The following GPC3 variants were observed in gnomAD, a reference collection of about 807,000 sequenced individuals.
GPC3 encodes glypican 3.
A neutral mutation model predicts 34.4 loss-of-function variants in GPC3; 3 were observed. The observed-to-expected ratio is 0.09, with a 90% CI of 0.04 to 0.23. The LOEUF (loss-of-function observed/expected upper bound fraction) is 0.23, where lower values mean the gene tolerates loss of function less well. GPC3 is among the 10% of genes least tolerant of loss of function. The probability of loss-of-function intolerance (pLI) is 1.00; values close to 1 mark genes in which losing one functional copy is unlikely to be tolerated. For missense variants in GPC3, 351 were observed against 445.6 expected (o/e 0.79, Z 1.91); for synonymous variants, 177 against 174.0 (o/e 1.02, Z -0.13).
At chrX:133,585,834 A>C (rs1261636247) in intron 7 of GPC3, among the ~76,000 whole-genome samples, 2 of 112,492 alleles carry the variant, frequency 1.8e-5, no homozygotes, top group Non-Finnish European at 3.7e-5. Context: ...GCTTCTGTCC[A>C]GAGAAAATCA....
At chrX:133,689,085 A>T (rs980804652) in intron 5 of GPC3, among the ~76,000 whole-genome samples, 2 of 110,936 alleles carry the variant, frequency 1.8e-5, no homozygotes, top group African/African-American at 6.5e-5. Flanking sequence ...CTCTGAAAAT[A>T]TGTTTATTTT....
intron 2 of GPC3, among the ~76,000 whole-genome samples, chrX:133,878,864 T>A (rs942177945): frequency 4.5e-5 from 5 of 111,774 alleles, no homozygotes; most frequent in African/African-American, 1.6e-4. Context: ...GTATAATAAA[T>A]GAGGACGCAG....
At chrX:133,797,727 G>A (rs1460915002) in intron 2 of GPC3, among the ~76,000 whole-genome samples, 1 of 110,591 alleles carries the variant, frequency 9.0e-6, no homozygotes, top group African/African-American at 3.3e-5. Flanking sequence ...CTGCTTGGGA[G>A]GCTGAGGCAG....
At chrX:133,710,818 T>G (rs774218395) in intron 3 of GPC3, among the ~76,000 whole-genome samples, 1 of 112,295 alleles carries the variant, frequency 8.9e-6, no homozygotes, top group Non-Finnish European at 1.9e-5. Context: ...AATTTATATC[T>G]GCCACAAACA....
intron 3 of GPC3, among the ~76,000 whole-genome samples, chrX:133,724,426 C>A (rs773934988): frequency 1.8e-5 from 2 of 112,239 alleles, no homozygotes; most frequent in Non-Finnish European, 3.8e-5. Context: ...TTATAAGAAT[C>A]TCCAGTTGGA....
At chrX:133,565,892 T>C (rs2069577487) in intron 7 of GPC3, among the ~76,000 whole-genome samples, 2 of 112,462 alleles carry the variant, frequency 1.8e-5, no homozygotes, top group African/African-American at 3.2e-5. Context: ...GCTCTACCAC[T>C]TGCCAGCAGT....
At chrX:133,599,411 A>T (rs1392402769) in intron 6 of GPC3, among the ~76,000 whole-genome samples, 1 of 112,205 alleles carries the variant, frequency 8.9e-6, no homozygotes, top group East Asian at 2.8e-4. Flanking sequence ...GGCTTAATTC[A>T]TCCTGTGGTG....
intron 6 of GPC3, among the ~76,000 whole-genome samples, chrX:133,655,005 A>G (rs772158176): frequency 5.4e-5 from 6 of 111,766 alleles, no homozygotes; most frequent in Admixed American, 2.9e-4. Flanking sequence ...ACTAATACCA[A>G]CAACATTTTG....
chrX:133,590,965 A>T (rs1417793006), intron 7 of GPC3, among the ~76,000 whole-genome samples: 2 of 111,741 alleles, frequency 1.8e-5, no homozygotes, highest in Non-Finnish European at 3.8e-5. Context: ...ACAAATGGAG[A>T]AACTGACTTT....
chrX:133,910,321 T>A (rs1055058448), intron 2 of GPC3, among the ~76,000 whole-genome samples: 1 of 111,237 alleles, frequency 9.0e-6, no homozygotes, highest in Non-Finnish European at 1.9e-5. Context: ...CACCCCCATA[T>A]CAAAACAGTC....
chrX:133,903,648 G>A (rs2076155674), intron 2 of GPC3, among the ~76,000 whole-genome samples: 1 of 112,150 alleles, frequency 8.9e-6, no homozygotes, highest in Non-Finnish European at 1.9e-5. Context: ...ACATTTTTAT[G>A]TACATCTCTT....
chrX:133,754,210 G>A (rs1014474853), intron 2 of GPC3, 34 bp from the exon 3 acceptor site: 4 of 995,799 alleles, frequency 4.0e-6, no homozygotes, highest in African/African-American at 3.9e-5. Flanking sequence ...ACACAAAAAT[G>A]TGTACAAATT....
At chrX:133,951,147 T>C (rs1428691061) in intron 2 of GPC3, among the ~76,000 whole-genome samples, 1 of 106,804 alleles carries the variant, frequency 9.4e-6, no homozygotes, top group African/African-American at 3.4e-5. Flanking sequence ...TAGTAGATGC[T>C]GCCCCCATTT....
At chrX:133,769,507 A>G (rs2071890553) in intron 2 of GPC3, among the ~76,000 whole-genome samples, 1 of 112,266 alleles carries the variant, frequency 8.9e-6, no homozygotes, top group Non-Finnish European at 1.9e-5. Flanking sequence ...CTCCAAATTC[A>G]TCAAATTGCA....
In GPC3 at chrX:133,632,316, T is replaced by C. The variant is rs182155058; in HGVS notation, c.1413+29414A>G. Among the ~76,000 whole-genome samples, 195 of 110,675 alleles carry C rather than the reference T, an allele frequency of 1.8e-3. 1 individual carries two copies. Among genetic ancestry groups the C allele is most frequent in the African/African-American group, 6.1e-3 (187 of 30,465 alleles). ...GGTTTCGCCATGTTGGCCAGGTTGGTCTCAAACTCCTGACCTAATGTGATC... is the reference window on the plus strand; with the variant it reads ...GGTTTCGCCATGTTGGCCAGGTTGGCCTCAAACTCCTGACCTAATGTGATC... On this transcript the variant is annotated intron_variant, in intron 6 of 7. Coordinates refer to ENST00000370818, the MANE Select transcript of GPC3 (RefSeq NM_004484.4).
chrX:133,965,099 A>T (rs2076457551), intron 1 of GPC3, among the ~76,000 whole-genome samples: 1 of 111,537 alleles, frequency 9.0e-6, no homozygotes, highest in Admixed American at 9.6e-5. Flanking sequence ...TACAGTAGAG[A>T]GTTCTGGTAA....
intron 2 of GPC3, among the ~76,000 whole-genome samples, chrX:133,756,300 C>T (rs2071725461): frequency 1.8e-5 from 2 of 112,258 alleles, no homozygotes; most frequent in Non-Finnish European, 1.9e-5. Flanking sequence ...CATATAGTCT[C>T]AAAAACCTTT....
At chrX:133,662,274 C>T (rs918572771) in intron 5 of GPC3, among the ~76,000 whole-genome samples, 5 of 111,887 alleles carry the variant, frequency 4.5e-5, no homozygotes, top group African/African-American at 1.3e-4. Context: ...GAGAAAGATT[C>T]TTCCATGTTC....
intron 3 of GPC3, among the ~76,000 whole-genome samples, chrX:133,734,229 T>G (rs189271153): frequency 1.8e-5 from 2 of 111,920 alleles, no homozygotes; most frequent in East Asian, 5.6e-4. Flanking sequence ...AATGCAAGGT[T>G]GGTTTAACAT....
Sources: gnomAD v4.1 joint callset for allele counts (sites outside exome capture counted in the v4.1 genomes callset) on GRCh38, gnomAD v4.1.1 for gene constraint, MANE v1.5 for transcripts, NCBI Gene and HGNC (gene_info 2026-07-23, HGNC 2026-07-21) for gene names.